SGCG: variants seen among roughly 807,000 people sequenced by gnomAD.
SGCG encodes sarcoglycan gamma.
In SGCG, 26 loss-of-function variants were observed where a neutral mutation model predicts 29.3. That is an observed-to-expected ratio of 0.89 (90% CI 0.65 to 1.23). SGCG has a LOEUF of 1.23. Among genes scored for constraint, SGCG ranks in the 50% most tolerant of loss-of-function variants. The pLI is 0.00. For synonymous variants in SGCG, 145 were observed against 129.7 expected (o/e 1.12, Z -0.80); for missense variants, 353 against 356.0 (o/e 0.99, Z 0.07).
chr13:23,281,937 C>T (rs552751633), intron 5 of SGCG, among the ~76,000 whole-genome samples: 1 of 152,322 alleles, frequency 6.6e-6, no homozygotes, highest in Admixed American at 6.5e-5. Flanking sequence ...TCAAGTTATC[C>T]TTTTAAAGGA....
chr13:23,160,762 G>T, the SGCG span, among the ~76,000 whole-genome samples: 7 of 152,202 alleles, frequency 4.6e-5, no homozygotes, highest in Non-Finnish European at 1.0e-4. Flanking sequence ...TCCCTATGCC[G>T]GTTCCAGCCT....
intron 7 of SGCG, among the ~76,000 whole-genome samples, chr13:23,323,431 A>C (rs1392756240): frequency 6.6e-6 from 1 of 152,228 alleles, no homozygotes; most frequent in African/African-American, 2.4e-5. Context: ...ATAGATTGGA[A>C]GGCAAGGATA....
At chr13:23,189,249 TC>T (rs1451530532) in intron 1 of SGCG, among the ~76,000 whole-genome samples, 3 of 152,224 alleles carry the variant, frequency 2.0e-5, no homozygotes, top group African/African-American at 4.8e-5. Flanking sequence ...CGATCTCAGC[TC>T]ACTGCAACCT....
At chr13:23,232,352 G>C (rs905479122) in intron 2 of SGCG, among the ~76,000 whole-genome samples, 2 of 152,174 alleles carry the variant, frequency 1.3e-5, no homozygotes, top group African/African-American at 4.8e-5. Flanking sequence ...TTGCCTAGCA[G>C]GTAATATTCA....
intron 1 of SGCG, among the ~76,000 whole-genome samples, chr13:23,183,047 A>G (rs1179614362): frequency 6.6e-6 from 1 of 152,242 alleles, no homozygotes; most frequent in African/African-American, 2.4e-5. Context: ...AAAGTCTAAC[A>G]TCAATGAAGA....
intron 2 of SGCG, among the ~76,000 whole-genome samples, chr13:23,204,706 CTT>C (rs398056176): frequency 3.5e-5 from 4 of 115,304 alleles, no homozygotes; most frequent in Middle Eastern, 4.7e-3. Context: ...TCTTTCTTTC[CTT>C]TTTTTTTTTT....
intron 5 of SGCG, among the ~76,000 whole-genome samples, chr13:23,290,417 G>A (rs1464512110): frequency 6.6e-6 from 1 of 152,146 alleles, no homozygotes; most frequent in Non-Finnish European, 1.5e-5. Flanking sequence ...TGCGGTGGGA[G>A]GGATATTACG....
At chr13:23,230,613 C>T (rs1467403218) in intron 2 of SGCG, among the ~76,000 whole-genome samples, 5 of 152,134 alleles carry the variant, frequency 3.3e-5, no homozygotes, top group Non-Finnish European at 7.4e-5. Context: ...AGGGATGCTA[C>T]TGATTTTTGT....
At chr13:23,234,811 A>G in intron 3 of SGCG, 99 bp downstream of exon 3, 1 of 822,132 alleles carries the variant, frequency 1.2e-6, no homozygotes, top group Non-Finnish European at 2.1e-6. Flanking sequence ...TTTAAAGCGC[A>G]TACATGTGCA....
chr13:23,225,485 G>A (rs1259700640), intron 2 of SGCG, among the ~76,000 whole-genome samples: 3 of 151,972 alleles, frequency 2.0e-5, no homozygotes, highest in African/African-American at 4.8e-5. Context: ...TTTATCCAAT[G>A]GGCTCTCATA....
At chr13:23,215,701 G>A (rs73443234) in intron 2 of SGCG, among the ~76,000 whole-genome samples, 14,025 of 151,806 alleles carry the variant, frequency 0.092, 866 homozygotes, top group South Asian at 0.2. Context: ...AATGTGAAAA[G>A]TTACACTCAG....
intron 6 of SGCG, among the ~76,000 whole-genome samples, chr13:23,295,877 T>C (rs34946148): frequency 0.091 from 13,804 of 152,276 alleles, 688 homozygotes; most frequent in South Asian, 0.13. Flanking sequence ...GGGCTGTGAC[T>C]GGCGGGACCT....
intron 7 of SGCG, among the ~76,000 whole-genome samples, chr13:23,323,138 AGTGG>A (rs771395246): frequency 8.2e-4 from 125 of 152,308 alleles, no homozygotes; most frequent in Non-Finnish European, 1.5e-3. Flanking sequence ...ACAGCCTGCT[AGTGG>A]AACACAGGTC....
intron 4 of SGCG, among the ~76,000 whole-genome samples, chr13:23,255,928 C>T (rs968611707): frequency 6.6e-6 from 1 of 152,110 alleles, no homozygotes; most frequent in Non-Finnish European, 1.5e-5. Context: ...ATGGGAAGCT[C>T]CCCACAGGAG....
At chr13:23,304,948 TGCGTGCACGTGCTCACAG>T (rs1333382029) in intron 6 of SGCG, among the ~76,000 whole-genome samples, 2 of 152,034 alleles carry the variant, frequency 1.3e-5, no homozygotes, top group African/African-American at 2.4e-5. Flanking sequence ...TGTGCACACA[TGCGTGCACGTGCTCACAG>T]GCTTGCACGT....
At chr13:23,294,583 C>A (rs150207137) in intron 5 of SGCG, among the ~76,000 whole-genome samples, 1 of 152,164 alleles carries the variant, frequency 6.6e-6, no homozygotes, top group Non-Finnish European at 1.5e-5. Flanking sequence ...CCATTGATGA[C>A]CCTCCAAATA....
intron 3 of SGCG, among the ~76,000 whole-genome samples, chr13:23,247,569 T>C (rs1879762110): frequency 6.6e-6 from 1 of 152,140 alleles, no homozygotes; most frequent in Admixed American, 6.5e-5. Context: ...CCCTTCTACT[T>C]GTCTTTAAAA....
chr13:23,266,317 T>C (rs1880640880), intron 4 of SGCG, among the ~76,000 whole-genome samples: 1 of 151,796 alleles, frequency 6.6e-6, no homozygotes, highest in Non-Finnish European at 1.5e-5. Context: ...ATGATATATG[T>C]AATTGTGGTG....
the SGCG span, chr13:23,169,922 A>C: frequency 6.6e-6 from 1 of 152,234 alleles, no homozygotes; most frequent in Admixed American, 6.5e-5. Flanking sequence ...CCATGGCCTA[A>C]GCATGGCCAT....
Sources: allele counts gnomAD v4.1 joint callset (sites outside exome capture counted in the v4.1 genomes callset), GRCh38; gene constraint gnomAD v4.1.1; transcripts MANE v1.5; gene names NCBI Gene and HGNC (gene_info 2026-07-23, HGNC 2026-07-21).